SLC16A14: variants seen among roughly 807,000 people sequenced by gnomAD.
SLC16A14 encodes monocarboxylate transporter 14.
Under a neutral mutation model 35.8 loss-of-function variants are expected in SLC16A14, and 14 were observed. The observed-to-expected ratio is 0.39, with a 90% CI of 0.26 to 0.61. The LOEUF (loss-of-function observed/expected upper bound fraction) is 0.61. Among genes scored for constraint, SLC16A14 ranks in the 20% least tolerant of loss-of-function variants. The pLI, the probability that SLC16A14 is intolerant of heterozygous loss-of-function variation, is 0.51. For synonymous variants in SLC16A14, 248 were observed against 258.9 expected (o/e 0.96, Z 0.40); for missense variants, 533 against 655.0 (o/e 0.81, Z 2.03).
In SLC16A14 at chr2:230,061,140, A is replaced by C. The variant is rs368162711; in HGVS notation, c.-14-1774T>G. Among the ~76,000 whole-genome samples, 6 of 152,332 alleles carry C rather than the reference A, an allele frequency of 3.9e-5. No homozygotes were observed. The East Asian group carries it at 7.7e-4, about 20-fold the overall frequency. On this transcript the variant is annotated intron_variant, in intron 1 of 4. Transcript: ENST00000295190. ...GGGAGCACTCTGCCCCGGAGCTTGCAATAAGCTGGAGGACTTAAAAACAAC... is the reference window on the plus strand; with the variant it reads ...GGGAGCACTCTGCCCCGGAGCTTGCCATAAGCTGGAGGACTTAAAAACAAC...
chr2:230,059,065 G>A lies in SLC16A14; in HGVS notation c.259+29C>T, dbSNP rs181713579. On this transcript the variant is annotated intron_variant, in intron 2 of 4. Transcript: ENST00000295190. ...GGAATTGTCATTTGATAACGATTCA[G>A]TTTTACGACAGGTCACACATGAACA... The A allele has an allele frequency of 1.4e-3, 2,168 of 1,555,380 alleles. 20 individuals carry two copies. Among genetic ancestry groups the A allele is most frequent in the South Asian group, 7.8e-3 (641 of 82,668 alleles).
At chr2:230,042,230 G>C (rs757728118) in intron 4 of SLC16A14, among the ~76,000 whole-genome samples, 1 of 152,110 alleles carries the variant, frequency 6.6e-6, no homozygotes, top group Non-Finnish European at 1.5e-5. Flanking sequence ...ATCCACCTCT[G>C]GGGAGGAACC....
At chr2:230,053,535 C>T (rs1236626853) in intron 2 of SLC16A14, among the ~76,000 whole-genome samples, 1 of 152,104 alleles carries the variant, frequency 6.6e-6, no homozygotes, top group Non-Finnish European at 1.5e-5. Context: ...GTAATCTCAG[C>T]ACTTTGGGAG....
At chr2:230,045,700 C>G in intron 4 of SLC16A14, 45 bp downstream of exon 4, 1 of 1,609,040 alleles carries the variant, frequency 6.2e-7, no homozygotes. Flanking sequence ...CATAACGCAC[C>G]ATATGTACAT....
chr2:230,067,559 TCTC>T (rs1248080588), intron 1 of SLC16A14, among the ~76,000 whole-genome samples: 1 of 69,858 alleles, frequency 1.4e-5, no homozygotes, highest in Admixed American at 1.8e-4. Flanking sequence ...TCTCTCTCTC[TCTC>T]TCTCTCTCTC....
intron 1 of SLC16A14, among the ~76,000 whole-genome samples, chr2:230,061,981 A>G (rs1243002533): frequency 1.3e-5 from 2 of 152,104 alleles, no homozygotes. Flanking sequence ...ACCTCAAGTG[A>G]TCCTCCTGCC....
chr2:230,041,013 T>C (rs1384718350), intron 4 of SLC16A14, among the ~76,000 whole-genome samples: 2 of 152,174 alleles, frequency 1.3e-5, no homozygotes, highest in Non-Finnish European at 2.9e-5. Flanking sequence ...CCCGGGATTC[T>C]TGGCAACCCT....
chr2:230,039,979 C>A (rs1036090635), intron 4 of SLC16A14, among the ~76,000 whole-genome samples: 1 of 152,122 alleles, frequency 6.6e-6, no homozygotes, highest in East Asian at 1.9e-4. Flanking sequence ...CTACATCTCT[C>A]CCCCGCTCAT....
chr2:230,062,887 A>G (rs1273254821), intron 1 of SLC16A14, among the ~76,000 whole-genome samples: 1 of 152,204 alleles, frequency 6.6e-6, no homozygotes, highest in Non-Finnish European at 1.5e-5. Context: ...CTCAGCCACT[A>G]CAGCACCTAT....
chr2:230,056,002 GACAA>G (rs992578169), intron 2 of SLC16A14, among the ~76,000 whole-genome samples: 65 of 152,290 alleles, frequency 4.3e-4, no homozygotes, highest in African/African-American at 1.3e-3. Context: ...TGTTTCCTAT[GACAA>G]ACAGTCCTAG....
In SLC16A14 at chr2:230,046,490, G is replaced by C; in HGVS notation, c.636C>G (p.Leu212=). Residue 212 remains leucine, a synonymous_variant, in exon 4 of 5, where the codon CTC becomes CTG. Coordinates refer to ENST00000295190, the MANE Select transcript of SLC16A14 (RefSeq NM_152527.5). This position sits in a 1 kb window ranked among gnomAD's most constrained non-coding sequence, Gnocchi z 5.0. ...LCVCGALMRP[L]SPGKNPNDPG... ...GGTCGTTTGGGTTTTTACCAGGAGA[G>C]AGGGGCCTCATGAGCGCCCCACAAA... 6.2e-7 allele frequency: 1 copy of C among 1,614,178 alleles called. No homozygotes were observed.
rs890814728 is a variant in SLC16A14, at chr2:230,055,533, A to G, written c.259+3561T>C. Reference sequence around the variant, plus strand: ...TAAAATCTGAAATTCCACAGTCTGGAATTCAGGGACTCTCAAACAAAATTC... The same window carrying G: ...TAAAATCTGAAATTCCACAGTCTGGGATTCAGGGACTCTCAAACAAAATTC... On this transcript the variant is annotated intron_variant, in intron 2 of 4. Transcript: ENST00000295190. Among the ~76,000 whole-genome samples, 53 of 152,174 alleles carry G rather than the reference A, an allele frequency of 3.5e-4. 1 individual carries two copies. The highest frequency in any genetic ancestry group is 2.2e-4 in the Non-Finnish European group (15 of 68,034).
intron 1 of SLC16A14, among the ~76,000 whole-genome samples, chr2:230,060,917 T>C (rs2077747494): frequency 6.6e-6 from 1 of 152,116 alleles, no homozygotes; most frequent in Admixed American, 6.6e-5. Context: ...TTTAATTTCT[T>C]TGGTGAAGCA....
intron 1 of SLC16A14, chr2:230,066,513 TG>T (rs2077796464): frequency 2.8e-6 from 1 of 354,990 alleles, no homozygotes. Flanking sequence ...GCTATGAAAC[TG>T]GGTCAGCTAC....
chr2:230,060,462 C>A (rs191578619), intron 1 of SLC16A14, among the ~76,000 whole-genome samples: 15 of 152,238 alleles, frequency 9.9e-5, no homozygotes, highest in African/African-American at 3.6e-4. Flanking sequence ...CCCACTTCAG[C>A]CTCCTGAATA....
intron 4 of SLC16A14, among the ~76,000 whole-genome samples, chr2:230,044,730 G>A (rs1014742579): frequency 1.0e-5 from 1 of 98,102 alleles, no homozygotes; most frequent in Non-Finnish European, 2.3e-5. Flanking sequence ...GTGTGTGTGT[G>A]TGTGTGTATG....
chr2:230,064,692 T>C (rs2106282183), intron 1 of SLC16A14, among the ~76,000 whole-genome samples: 1 of 152,306 alleles, frequency 6.6e-6, no homozygotes, highest in African/African-American at 2.4e-5. Flanking sequence ...CAAGGAAGGC[T>C]TTGAAGTAAT....
rs1207587848 is a variant in SLC16A14, at chr2:230,059,376, A to G, written c.-14-10T>C. 1.3e-6 allele frequency: 2 copies of G among 1,525,330 alleles called. No homozygotes were observed. The highest frequency in any genetic ancestry group is 2.1e-5 in the Admixed American group (1 of 47,006). The allele number at this position is 1,525,330 out of a possible 1,614,324, so 94.5% of individuals were successfully genotyped here. ...ATTTTCCAAGATTTTTCTGAAATAC[A>G]TATAACAAATAATTTCATGGAACAT... On this transcript the variant is annotated splice_polypyrimidine_tract_variant and intron_variant, in intron 1 of 4. Coordinates refer to ENST00000295190, the MANE Select transcript of SLC16A14 (RefSeq NM_152527.5).
At chr2:230,041,844 C>T (rs759390363) in intron 4 of SLC16A14, among the ~76,000 whole-genome samples, 3 of 152,204 alleles carry the variant, frequency 2.0e-5, no homozygotes, top group South Asian at 2.1e-4. Flanking sequence ...TAGCACACCT[C>T]GAATTTCTAG....
Sources: allele counts gnomAD v4.1 joint callset (sites outside exome capture counted in the v4.1 genomes callset), GRCh38; gene constraint gnomAD v4.1.1; non-coding constraint Gnocchi (gnomAD v3.1); transcripts MANE v1.5; gene names NCBI Gene and HGNC (gene_info 2026-07-23, HGNC 2026-07-21).